Variants in IMMP2L observed in about 807,000 individuals in gnomAD.
IMMP2L encodes the protein inner mitochondrial membrane peptidase subunit 2, also known as mitochondrial inner membrane protease subunit 2.
A neutral mutation model predicts 19.3 loss-of-function variants in IMMP2L; 18 were observed. The observed-to-expected ratio is 0.93, with a 90% confidence interval of 0.64 to 1.38. IMMP2L has a LOEUF of 1.38. IMMP2L is among the 40% of genes most tolerant of loss of function. The pLI is 0.00. For synonymous variants in IMMP2L, 76 were observed against 73.0 expected (o/e 1.04, Z -0.21); for missense variants, 233 against 218.2 (o/e 1.07, Z -0.43).
intron 3 of IMMP2L, among the ~76,000 whole-genome samples, chr7:110,985,308 G>T (rs560440694): frequency 6.6e-6 from 1 of 151,950 alleles, no homozygotes; most frequent in Non-Finnish European, 1.5e-5. Flanking sequence ...ACTAATATAG[G>T]CCAGTTTTCT....
intron 3 of IMMP2L, among the ~76,000 whole-genome samples, chr7:111,057,058 G>C: frequency 6.6e-6 from 1 of 152,144 alleles, no homozygotes; most frequent in East Asian, 1.9e-4. Flanking sequence ...TCACAGATAT[G>C]ATTTTTTCAA....
At position 110,952,774 on chromosome 7, in the gene IMMP2L, A is replaced by G. The variant is rs1279118331; in HGVS notation, c.305+10726T>C. ...TTAGGTACCTCAGTTATTTTAGCCC[A>G]TGGACTACCTAGAGAGGACATGATG... On this transcript the variant is annotated intron_variant, in intron 4 of 5. Coordinates refer to ENST00000405709, the MANE Select transcript of IMMP2L (RefSeq NM_032549.4). Among the ~76,000 whole-genome samples, 4 of 152,252 alleles carry G rather than the reference A, an allele frequency of 2.6e-5. No individual in the cohort carries two copies. In the East Asian group the frequency reaches 7.7e-4, roughly 29 times the overall value.
chr7:111,179,102 TTG>T (rs1360496760), intron 3 of IMMP2L, among the ~76,000 whole-genome samples: 2 of 152,028 alleles, frequency 1.3e-5, no homozygotes, highest in Non-Finnish European at 2.9e-5. Context: ...AAAATAAATG[TTG>T]TGTTAGCAGG....
At chr7:111,192,415 G>T (rs1808986891) in intron 3 of IMMP2L, among the ~76,000 whole-genome samples, 1 of 151,900 alleles carries the variant, frequency 6.6e-6, no homozygotes, top group South Asian at 2.1e-4. Context: ...CTATTCTAAA[G>T]CCCCAAATTT....
intron 4 of IMMP2L, among the ~76,000 whole-genome samples, chr7:110,945,449 T>C (rs1200298639): frequency 6.6e-6 from 1 of 151,846 alleles, no homozygotes; most frequent in East Asian, 1.9e-4. Context: ...TCTTGCACTT[T>C]CCCTTTTTGG....
chr7:110,833,954 T>C (rs1804199360), intron 5 of IMMP2L, among the ~76,000 whole-genome samples: 1 of 152,184 alleles, frequency 6.6e-6, no homozygotes, highest in African/African-American at 2.4e-5. Context: ...GAAAGTTCTC[T>C]TCAGGTAAAC....
At chr7:111,241,489 T>A (rs980024236) in intron 3 of IMMP2L, among the ~76,000 whole-genome samples, 1 of 151,774 alleles carries the variant, frequency 6.6e-6, no homozygotes, top group Non-Finnish European at 1.5e-5. Context: ...CAAGACCAAA[T>A]AAAATGCTTA....
In IMMP2L at chr7:110,862,518, T is replaced by A. The variant is rs919397475; in HGVS notation, c.408+24075A>T. Among the ~76,000 whole-genome samples, 36 of 151,454 alleles carry A rather than the reference T, an allele frequency of 2.4e-4. No homozygotes were observed. In the South Asian group the frequency reaches 5.2e-3, roughly 22 times the overall value. The stretch of plus-strand genomic sequence containing the variant: ...CAGGCCCGGCTAATTTTTTTTTTTT[T>A]AATTTTTTGTAGAGACAGGGTTTCA... On this transcript the variant is annotated intron_variant, in intron 5 of 5. Coordinates refer to ENST00000405709, the MANE Select transcript of IMMP2L (RefSeq NM_032549.4).
intron 3 of IMMP2L, among the ~76,000 whole-genome samples, chr7:111,468,027 G>A (rs1218831355): frequency 6.6e-6 from 1 of 152,008 alleles, no homozygotes; most frequent in Non-Finnish European, 1.5e-5. Context: ...AAAGAGGCCA[G>A]GAAACAACCA....
At chr7:111,309,022 C>G (rs1248278660) in intron 3 of IMMP2L, among the ~76,000 whole-genome samples, 1 of 152,062 alleles carries the variant, frequency 6.6e-6, no homozygotes, top group Non-Finnish European at 1.5e-5. Flanking sequence ...GCATCATTAA[C>G]TTAACCACTG....
At chr7:110,841,690 C>CT (rs1010295336) in intron 5 of IMMP2L, among the ~76,000 whole-genome samples, 1 of 151,872 alleles carries the variant, frequency 6.6e-6, no homozygotes, top group African/African-American at 2.4e-5. Flanking sequence ...TGCTTGAAGA[C>CT]TTTTTTTTAA....
chr7:111,465,295 C>A (rs922993959), intron 3 of IMMP2L, among the ~76,000 whole-genome samples: 5 of 151,914 alleles, frequency 3.3e-5, no homozygotes, highest in Admixed American at 6.6e-5. Context: ...AATCCCCTAC[C>A]TGGGCTATTT....
rs1019124481 is a variant in IMMP2L, at chr7:111,327,441, A to G, written c.239+159797T>C. Among the ~76,000 whole-genome samples the G allele has an allele frequency of 8.6e-5, 13 of 151,822 alleles. No homozygotes were observed. In the South Asian group the frequency reaches 1.5e-3, roughly 17 times the overall value. On this transcript the variant is annotated intron_variant, in intron 3 of 5. Transcript: ENST00000405709. The stretch of plus-strand genomic sequence containing the variant: ...TCTACAATTTCATTAACATGTACTC[A>G]ACTCCCTTTGCTGCATGTCTCTATC...
In IMMP2L at chr7:110,961,691, C is replaced by T. The variant is rs1046985713; in HGVS notation, c.305+1809G>A. Among the ~76,000 whole-genome samples the T allele has an allele frequency of 4.0e-5, 6 of 151,600 alleles. No individual in the cohort carries two copies. The East Asian group carries it at 1.2e-3, about 30-fold the overall frequency. Reference sequence around the variant, plus strand: ...ATGCATCAAGTTGTGAATGGATAAACAAAATGTGATAAGTCTATAAAATAG... The same window carrying T: ...ATGCATCAAGTTGTGAATGGATAAATAAAATGTGATAAGTCTATAAAATAG... On this transcript the variant is annotated intron_variant, in intron 4 of 5. Transcript: ENST00000405709.
intron 3 of IMMP2L, among the ~76,000 whole-genome samples, chr7:110,970,563 T>C (rs1470883656): frequency 1.3e-5 from 2 of 152,126 alleles, no homozygotes; most frequent in African/African-American, 4.8e-5. Flanking sequence ...TTTTAATATA[T>C]TGAATATGCT....
At chr7:111,227,393 T>C (rs1387368502) in intron 3 of IMMP2L, among the ~76,000 whole-genome samples, 2 of 152,126 alleles carry the variant, frequency 1.3e-5, no homozygotes, top group African/African-American at 4.8e-5. Flanking sequence ...TAAGGAAAGA[T>C]GGAAGTAGAA....
At chr7:111,243,420 T>C (rs933486869) in intron 3 of IMMP2L, among the ~76,000 whole-genome samples, 1 of 152,080 alleles carries the variant, frequency 6.6e-6, no homozygotes, top group Non-Finnish European at 1.5e-5. Flanking sequence ...ATTTCCACAA[T>C]AGGTTTTCCA....
chr7:110,931,103 G>T (rs935888034), intron 4 of IMMP2L, among the ~76,000 whole-genome samples: 1 of 152,156 alleles, frequency 6.6e-6, no homozygotes, highest in Non-Finnish European at 1.5e-5. Flanking sequence ...ATGAGAGGTG[G>T]TAACTATGGA....
chr7:111,464,649 T>G (rs1229914467), intron 3 of IMMP2L, among the ~76,000 whole-genome samples: 2 of 152,198 alleles, frequency 1.3e-5, no homozygotes, highest in Admixed American at 6.5e-5. Flanking sequence ...CTGCTATTAT[T>G]ATGATTAATT....
Sources: gnomAD v4.1 joint callset for allele counts (sites outside exome capture counted in the v4.1 genomes callset) on GRCh38, gnomAD v4.1.1 for gene constraint, MANE v1.5 for transcripts, NCBI Gene and HGNC (gene_info 2026-07-23, HGNC 2026-07-21) for gene names.